MAML3: variants seen among roughly 807,000 people sequenced by gnomAD.
The protein encoded by MAML3 is mastermind like transcriptional coactivator 3.
A neutral mutation model predicts 101.9 loss-of-function variants in MAML3; 27 were observed. The ratio of observed to expected loss-of-function variants is 0.27; its 90% CI spans 0.20 to 0.37. MAML3 has a LOEUF of 0.37. MAML3 is among the 10% of genes least tolerant of loss of function. The pLI is 1.00. For synonymous variants in MAML3, 501 were observed against 555.9 expected, an observed-to-expected ratio of 0.90 and a Z score of 1.39; for missense variants, 1,316 against 1,444.9, an observed-to-expected ratio of 0.91 and a Z score of 1.45.
At chr4:139,967,115 C>T (rs2110784426) in intron 1 of MAML3, among the ~76,000 whole-genome samples, 1 of 152,226 alleles carries the variant, frequency 6.6e-6, no homozygotes, top group African/African-American at 2.4e-5. Context: ...AGAATCAACA[C>T]AGCAACAATG....
chr4:140,015,091 G>A (rs1423013973), intron 1 of MAML3, among the ~76,000 whole-genome samples: 2 of 152,254 alleles, frequency 1.3e-5, no homozygotes, highest in East Asian at 3.9e-4. Flanking sequence ...AATTCCAATT[G>A]AAACTAATTT....
Position 139,719,365 on chromosome 4 carries a change from G to A in MAML3, c.3375C>T (p.Asp1125=), listed in dbSNP as rs748606151. The A allele has an allele frequency of 2.4e-5, 39 of 1,608,542 alleles. No individual in the cohort carries two copies. The highest frequency in any genetic ancestry group is 2.7e-5 in the Non-Finnish European group (32 of 1,176,540). Residue 1125 remains aspartate, a synonymous_variant, in exon 5 of 5, where the codon GAC becomes GAT. Coordinates refer to ENST00000509479, the MANE Select transcript of MAML3 (RefSeq NM_018717.5). ...ATTCATCAAGCTCCTGCATCCACTC[G>A]TCCCCTGGCCCGCCTTTGATGATGG... ...VDSIIKGGPG[D]EWMQELDELF...
intron 1 of MAML3, among the ~76,000 whole-genome samples, chr4:140,152,125 C>G (rs1194493542): frequency 6.6e-6 from 1 of 151,960 alleles, no homozygotes; most frequent in Non-Finnish European, 1.5e-5. Flanking sequence ...CCCTCCCAGC[C>G]GCTCCACCTG....
intron 2 of MAML3, among the ~76,000 whole-genome samples, chr4:139,817,557 C>T (rs1308909495): frequency 6.6e-6 from 1 of 152,176 alleles, no homozygotes; most frequent in Non-Finnish European, 1.5e-5. Flanking sequence ...TATCACCTCC[C>T]TCTGTTTACA....
chr4:139,944,007 A>G (rs1389112894), intron 1 of MAML3, among the ~76,000 whole-genome samples: 2 of 150,738 alleles, frequency 1.3e-5, no homozygotes, highest in Admixed American at 1.3e-4. Flanking sequence ...GGTAGCTGGG[A>G]CTACAGGCGT....
At chr4:139,788,865 T>G (rs1730354367) in intron 2 of MAML3, among the ~76,000 whole-genome samples, 1 of 152,192 alleles carries the variant, frequency 6.6e-6, no homozygotes. Context: ...AGAGTGGGCT[T>G]GAGTTCTTGA....
At chr4:139,895,841 C>T (rs1273770794) in intron 1 of MAML3, among the ~76,000 whole-genome samples, 1 of 152,206 alleles carries the variant, frequency 6.6e-6, no homozygotes, top group African/African-American at 2.4e-5. Flanking sequence ...CAGCATGCCA[C>T]CTGATTGGAG....
At chr4:139,816,093 C>T (rs1423001696) in intron 2 of MAML3, among the ~76,000 whole-genome samples, 2 of 151,912 alleles carry the variant, frequency 1.3e-5, no homozygotes, top group Non-Finnish European at 2.9e-5. Flanking sequence ...GAGGGGAGTG[C>T]GAAGATAAAA....
At chr4:139,764,580 G>C (rs1729816286) in intron 2 of MAML3, among the ~76,000 whole-genome samples, 2 of 152,218 alleles carry the variant, frequency 1.3e-5, no homozygotes, top group South Asian at 4.1e-4. Context: ...TGAAGTTGCT[G>C]TGCAGATCTA....
intron 1 of MAML3, among the ~76,000 whole-genome samples, chr4:140,077,872 G>A (rs1365717540): frequency 6.6e-6 from 1 of 152,050 alleles, no homozygotes; most frequent in Non-Finnish European, 1.5e-5. Context: ...ACAAAAATTA[G>A]CTGGGCATAG....
In MAML3 at chr4:140,087,954, A is replaced by T. The variant is rs952505394; in HGVS notation, c.468+64906T>A. Among the ~76,000 whole-genome samples the T allele has an allele frequency of 1.0e-3, 153 of 152,238 alleles. 1 individual carries two copies. Among genetic ancestry groups the T allele is most frequent in the Non-Finnish European group, 1.4e-3 (98 of 68,042 alleles). Reference sequence around the variant, plus strand: ...CAATCAAGCATAAATACTTGTTAACAGGTTCACACATAAGCACATGAAAAC... The same window carrying T: ...CAATCAAGCATAAATACTTGTTAACTGGTTCACACATAAGCACATGAAAAC... On this transcript the variant is annotated intron_variant, in intron 1 of 4. Transcript: ENST00000509479.
At chr4:139,756,903 A>G (rs926898661) in intron 2 of MAML3, among the ~76,000 whole-genome samples, 2 of 152,144 alleles carry the variant, frequency 1.3e-5, no homozygotes, top group Non-Finnish European at 2.9e-5. Flanking sequence ...AGGACCTCAT[A>G]TGAATGCATG....
chr4:139,840,955 G>C (rs1194160828), intron 2 of MAML3, among the ~76,000 whole-genome samples: 1 of 152,226 alleles, frequency 6.6e-6, no homozygotes, highest in African/African-American at 2.4e-5. Context: ...CACTCTGGCT[G>C]CTCTAGGTTA....
At chr4:139,938,325 C>A (rs1469654940) in intron 1 of MAML3, among the ~76,000 whole-genome samples, 1 of 152,156 alleles carries the variant, frequency 6.6e-6, no homozygotes, top group South Asian at 2.1e-4. Context: ...TCTAGCCTGA[C>A]TCCATCCGTT....
At chr4:140,004,795 G>C (rs1726419364) in intron 1 of MAML3, among the ~76,000 whole-genome samples, 1 of 151,888 alleles carries the variant, frequency 6.6e-6, no homozygotes, top group Non-Finnish European at 1.5e-5. Context: ...CCCCAGTAGA[G>C]AGACACATGG....
Position 139,890,920 on chromosome 4 carries a change from A to G in MAML3, c.516T>C (p.Leu172=), listed in dbSNP as rs1370481499. 1.9e-6 allele frequency: 3 copies of G among 1,613,556 alleles called. No homozygotes were observed. In the African/African-American group the frequency reaches 4.0e-5, roughly 22 times the overall value. Residue 172 remains leucine (L), a synonymous_variant, in exon 2 of 5, where the codon CTT becomes CTC. Coordinates refer to ENST00000509479, the MANE Select transcript of MAML3 (RefSeq NM_018717.5). The surrounding 1 kb of genome is among the most constrained non-coding windows in gnomAD (Gnocchi z 4.1). ...AAGCACCATTCTGCTGGTCTCCATT[A>G]AGTGGTGATCGAGCTCCTTCCAACT... ...KRKLEGARSP[L]NGDQQNGACD... is the part of the protein sequence containing the mutation.
chr4:139,992,573 C>T (rs559994179), intron 1 of MAML3, among the ~76,000 whole-genome samples: 15 of 152,036 alleles, frequency 9.9e-5, no homozygotes, highest in African/African-American at 3.4e-4. Context: ...ACTCTGTTGC[C>T]GGAGTGCAGT....
chr4:140,098,018 A>C (rs1728190809), intron 1 of MAML3, among the ~76,000 whole-genome samples: 1 of 152,246 alleles, frequency 6.6e-6, no homozygotes, highest in African/African-American at 2.4e-5. Context: ...TCCACTACGA[A>C]GTATTAGAAT....
Position 139,986,200 on chromosome 4 carries a change from T to A in MAML3, c.469-95233A>T, listed in dbSNP as rs567136663. On this transcript the variant is annotated intron_variant, in intron 1 of 4. Transcript: ENST00000509479. ...TTGTGGACAGGGTCATCCCTTGTCATCAGAGTGCTGTCACACGTAGTAGTC... is the reference window on the plus strand; with the variant it reads ...TTGTGGACAGGGTCATCCCTTGTCAACAGAGTGCTGTCACACGTAGTAGTC... Among the ~76,000 whole-genome samples the A allele has an allele frequency of 5.3e-5, 8 of 152,342 alleles. No homozygotes were observed. In the South Asian group the frequency reaches 1.7e-3, roughly 32 times the overall value.
Sources: allele counts gnomAD v4.1 joint callset (sites outside exome capture counted in the v4.1 genomes callset), GRCh38; gene constraint gnomAD v4.1.1; non-coding constraint Gnocchi (gnomAD v3.1); transcripts MANE v1.5; gene names NCBI Gene and HGNC (gene_info 2026-07-23, HGNC 2026-07-21).